TENM4: variants seen among roughly 807,000 people sequenced by gnomAD.
TENM4 encodes the protein teneurin transmembrane protein 4, also known as teneurin-4.
TENM4 carries 82 observed loss-of-function variants against 243.3 expected under a neutral mutation model. The ratio of observed to expected loss-of-function variants is 0.34; its 90% CI spans 0.28 to 0.40. TENM4 has a LOEUF of 0.40. Ranked by LOEUF, TENM4 falls within the 10% of genes least tolerant of loss-of-function variation. The pLI is 1.00. For missense variants in TENM4, 3,138 were observed against 3,673.3 expected, an observed-to-expected ratio of 0.85 and a Z score of 3.77; for synonymous variants, 1,412 against 1,456.3, an observed-to-expected ratio of 0.97 and a Z score of 0.69.
intron 1 of TENM4, among the ~76,000 whole-genome samples, chr11:79,318,271 C>T (rs1244605023): frequency 6.6e-6 from 1 of 152,182 alleles, no homozygotes; most frequent in East Asian, 1.9e-4. Context: ...TAAACCATGA[C>T]ATTTACTTAC....
At chr11:78,876,629 T>C (rs1026641691) in intron 9 of TENM4, among the ~76,000 whole-genome samples, 1 of 152,222 alleles carries the variant, frequency 6.6e-6, no homozygotes, top group Non-Finnish European at 1.5e-5. Flanking sequence ...CAAACTCCAG[T>C]AATATACCTT....
intron 12 of TENM4, among the ~76,000 whole-genome samples, chr11:78,837,535 A>G (rs1164136656): frequency 6.6e-6 from 1 of 152,258 alleles, no homozygotes; most frequent in African/African-American, 2.4e-5. Context: ...ACTGGACTCC[A>G]GTGATCAACC....
chr11:79,331,761 C>T (rs901474245), intron 1 of TENM4, among the ~76,000 whole-genome samples: 4 of 152,230 alleles, frequency 2.6e-5, no homozygotes, highest in African/African-American at 7.2e-5. Flanking sequence ...CCTGCAACCC[C>T]GGGCAGGGGA....
chr11:79,283,345 C>T (rs1389860702), intron 2 of TENM4, among the ~76,000 whole-genome samples: 2 of 151,730 alleles, frequency 1.3e-5, no homozygotes, highest in African/African-American at 2.4e-5. Context: ...AATCCAACAA[C>T]ACGTAAAAAG....
chr11:78,692,940 TATC>T (rs1172316025), intron 28 of TENM4, among the ~76,000 whole-genome samples: 4 of 152,322 alleles, frequency 2.6e-5, no homozygotes, highest in Admixed American at 2.0e-4. Context: ...CCAACCTTTG[TATC>T]ATATTTTCTT....
intron 6 of TENM4, among the ~76,000 whole-genome samples, chr11:78,932,693 T>C (rs1278940030): frequency 6.6e-6 from 1 of 152,214 alleles, no homozygotes; most frequent in Non-Finnish European, 1.5e-5. Context: ...AATTTTTCCA[T>C]GGACCAGTGG....
chr11:78,840,820 C>T (rs1858241827), intron 12 of TENM4, among the ~76,000 whole-genome samples: 1 of 152,188 alleles, frequency 6.6e-6, no homozygotes, highest in Admixed American at 6.5e-5. Context: ...GTGGATAGAG[C>T]ATGATTCTTC....
intron 4 of TENM4, among the ~76,000 whole-genome samples, chr11:79,123,825 T>C (rs966701659): frequency 6.6e-6 from 1 of 152,110 alleles, no homozygotes; most frequent in Non-Finnish European, 1.5e-5. Context: ...CTGGGGCAAA[T>C]AAGTTTGGGA....
intron 1 of TENM4, among the ~76,000 whole-genome samples, chr11:79,391,685 T>G (rs1420890051): frequency 1.3e-5 from 2 of 152,204 alleles, no homozygotes. Context: ...GTGTGTACAA[T>G]CATACATTTT....
At chr11:79,163,780 CAT>C (rs1228456760) in intron 3 of TENM4, among the ~76,000 whole-genome samples, 2 of 93,160 alleles carry the variant, frequency 2.1e-5, no homozygotes, top group Admixed American at 1.1e-4. Context: ...CACACACATA[CAT>C]ATATATATAC....
At chr11:78,825,476 TGGG>T (rs1857830091) in intron 12 of TENM4, among the ~76,000 whole-genome samples, 2 of 152,156 alleles carry the variant, frequency 1.3e-5, no homozygotes, top group South Asian at 4.1e-4. Flanking sequence ...TTAATAGGTC[TGGG>T]GTAGGGTCTC....
chr11:78,707,308 A>AAG (rs1233673490), intron 27 of TENM4, among the ~76,000 whole-genome samples: 1 of 152,256 alleles, frequency 6.6e-6, no homozygotes, highest in Non-Finnish European at 1.5e-5. Context: ...GGCCCAGCCA[A>AAG]AGGATCCAGC....
chr11:79,089,343 C>T (rs1053917807), intron 4 of TENM4, among the ~76,000 whole-genome samples: 3 of 152,224 alleles, frequency 2.0e-5, no homozygotes, highest in Admixed American at 6.5e-5. Context: ...TAGCTTCCTT[C>T]TCCTCCCATT....
chr11:78,928,501 A>G (rs542712492), intron 6 of TENM4, among the ~76,000 whole-genome samples: 22 of 152,374 alleles, frequency 1.4e-4, no homozygotes, highest in African/African-American at 4.8e-4. Context: ...TTGACGGAAT[A>G]GATTCCACAG....
intron 1 of TENM4, among the ~76,000 whole-genome samples, chr11:79,382,642 A>T (rs1449650261): frequency 6.6e-6 from 1 of 151,920 alleles, no homozygotes. Context: ...CTGAGTCCTC[A>T]GTGAAGCAGG....
At chr11:79,298,521 CAAAAAAAAAAAAA>C (rs61373828) in intron 1 of TENM4, among the ~76,000 whole-genome samples, 12 of 17,254 alleles carry the variant, frequency 7.0e-4, no homozygotes, top group Non-Finnish European at 1.4e-3. Flanking sequence ...GACTCCGTCT[CAAAAAAAAAAAAA>C]AAAAAAAAAA....
chr11:78,908,252 T>A (rs1650426259), intron 6 of TENM4, among the ~76,000 whole-genome samples: 1 of 152,218 alleles, frequency 6.6e-6, no homozygotes, highest in Non-Finnish European at 1.5e-5. Context: ...TGTCATCAAG[T>A]CACTTACTTT....
intron 2 of TENM4, among the ~76,000 whole-genome samples, chr11:79,268,908 A>G (rs924552114): frequency 2.6e-5 from 4 of 152,216 alleles, no homozygotes; most frequent in Admixed American, 6.5e-5. Context: ...GTGCTAGATA[A>G]GCTTCATTCA....
At chr11:79,247,729 T>C (rs1368438794) in intron 2 of TENM4, among the ~76,000 whole-genome samples, 2 of 152,240 alleles carry the variant, frequency 1.3e-5, no homozygotes, top group Non-Finnish European at 2.9e-5. Flanking sequence ...CCCAGGACAG[T>C]GCTGCTAGTG....
Sources: allele counts gnomAD v4.1 joint callset (sites outside exome capture counted in the v4.1 genomes callset), GRCh38; gene constraint gnomAD v4.1.1; transcripts MANE v1.5; gene names NCBI Gene and HGNC (gene_info 2026-07-23, HGNC 2026-07-21).